DDX60: variants seen among roughly 807,000 people sequenced by gnomAD.
DDX60 encodes the protein probable ATP-dependent RNA helicase DDX60.
In DDX60, 165 loss-of-function variants were observed where a neutral mutation model predicts 212.8. The observed-to-expected ratio is 0.78, with a 90% confidence interval of 0.68 to 0.88. DDX60 has a LOEUF of 0.88. Ranked by LOEUF, DDX60 falls within the 40% of genes least tolerant of loss-of-function variation. The pLI is 0.00. For synonymous variants in DDX60, 703 were observed against 685.3 expected (o/e 1.03, Z -0.40); for missense variants, 1,905 against 2,003.9 (o/e 0.95, Z 0.94).
intron 1 of DDX60, among the ~76,000 whole-genome samples, chr4:168,311,695 A>G (rs1737141464): frequency 6.6e-6 from 1 of 152,166 alleles, no homozygotes; most frequent in South Asian, 2.1e-4. Flanking sequence ...CATGTGTAAA[A>G]GCTCAGTGGC....
At chr4:168,265,835 AGGAAGGGAAGGGAAGGGAAGGGAAG>A (rs138501508) in intron 22 of DDX60, among the ~76,000 whole-genome samples, 312 of 89,214 alleles carry the variant, frequency 3.5e-3, no homozygotes, top group African/African-American at 0.01. Flanking sequence ...GAAGGAGGGA[AGGAAGGGAAGGGAAGGGAAGGGAAG>A]GGAAGGGAAG....
intron 35 of DDX60, among the ~76,000 whole-genome samples, chr4:168,222,839 A>G (rs952483603): frequency 6.6e-6 from 1 of 152,114 alleles, no homozygotes; most frequent in African/African-American, 2.4e-5. Flanking sequence ...CACTGTGTGT[A>G]ATAGCAAAGA....
rs11933009 is a variant in DDX60 at position 168,292,324 on chromosome 4, T to C, written c.883-418A>G. ...CCTCCCAAAGTGCTAGGATTACTCGTGTGAGACACCATGCCCAGCTGAATT... is the reference window on the plus strand; with the variant it reads ...CCTCCCAAAGTGCTAGGATTACTCGCGTGAGACACCATGCCCAGCTGAATT... On this transcript the variant is annotated intron_variant, in intron 7 of 37. Transcript: ENST00000393743. Among the ~76,000 whole-genome samples, 1,213 of 152,250 alleles carry C rather than the reference T, an allele frequency of 8.0e-3. 25 individuals are homozygous for C. The highest frequency in any genetic ancestry group is 0.028 in the African/African-American group (1,147 of 41,552).
chr4:168,265,831 GGGAA>G (rs1224192471), intron 22 of DDX60, among the ~76,000 whole-genome samples: 3 of 126,728 alleles, frequency 2.4e-5, no homozygotes, highest in Non-Finnish European at 5.0e-5. Flanking sequence ...GAGGGAAGGA[GGGAA>G]GGAAGGGAAG....
chr4:168,309,019 A>T (rs1737016034), intron 3 of DDX60, among the ~76,000 whole-genome samples: 2 of 152,142 alleles, frequency 1.3e-5, no homozygotes, highest in African/African-American at 4.8e-5. Context: ...CAGCTTTCAG[A>T]GTTGAGAGAA....
intron 4 of DDX60, 120 bp from the exon 5 acceptor site, chr4:168,306,840 G>A (rs1216219851): frequency 2.7e-6 from 2 of 742,310 alleles, no homozygotes; most frequent in Non-Finnish European, 4.3e-6. Context: ...CTGTCTGATG[G>A]TCGGGGAATA....
At chr4:168,230,260 A>T (rs1207304932) in intron 33 of DDX60, among the ~76,000 whole-genome samples, 4 of 152,166 alleles carry the variant, frequency 2.6e-5, no homozygotes, top group Admixed American at 2.6e-4. Flanking sequence ...AGATAGCAAC[A>T]CAATAATAGT....
chr4:168,248,336 A>T, intron 28 of DDX60, 44 bp from the exon 29 acceptor site: 2 of 1,392,966 alleles, frequency 1.4e-6, no homozygotes, highest in Non-Finnish European at 2.0e-6. Context: ...TAGCATTTTA[A>T]TAGAATGCAA....
In DDX60 at chr4:168,275,434, G is replaced by T. The variant is rs1411550959; in HGVS notation, c.2215C>A (p.Gln739Lys). The change falls in exon 16 of 38, where the codon CAA becomes AAA. Residue 739 changes from glutamine (Q) to lysine (K), a missense_variant. Coordinates refer to ENST00000393743, the MANE Select transcript of DDX60 (RefSeq NM_017631.6). The part of the protein sequence containing the change: ...YSVGIGPARF[Q>K]LQYMGHYLIR... ...AAATAATGGCCCATGTATTGCAGTT[G>T]GAACCGAGCTGGCCCAATGCCAACT... The T allele has an allele frequency of 6.2e-7, 1 of 1,612,574 alleles. No homozygotes were observed. The highest frequency in any genetic ancestry group is 8.5e-7 in the Non-Finnish European group (1 of 1,179,382).
rs1734931465 is a variant in DDX60, at chr4:168,268,114, C to A, written c.2787-131G>T. 8 of 674,426 alleles carry A rather than the reference C, an allele frequency of 1.2e-5. 1 individual carries two copies. In the Admixed American group the frequency reaches 2.8e-4, roughly 23 times the overall value. 41.8% of individuals were successfully genotyped at this position (674,426 alleles called of 1,614,324 possible). A position where few individuals can be genotyped will look rare whatever the true frequency, so the allele number is the denominator to read the frequency against. Reference sequence around the variant, plus strand: ...TAGGGGAATAGACTCAGAAGCCAGACTACCTGAAATTAAATCCCAACCTTC... The same window carrying A: ...TAGGGGAATAGACTCAGAAGCCAGAATACCTGAAATTAAATCCCAACCTTC... On this transcript the variant is annotated intron_variant, in intron 20 of 37. Transcript: ENST00000393743.
intron 9 of DDX60, 33 bp from the exon 10 acceptor site, chr4:168,287,236 A>G: frequency 6.5e-7 from 1 of 1,543,792 alleles, no homozygotes; most frequent in Non-Finnish European, 8.9e-7. Flanking sequence ...AAATACTAGA[A>G]GCCATCCACT....
chr4:168,264,524 A>C (rs952507066), intron 22 of DDX60, among the ~76,000 whole-genome samples: 2 of 139,902 alleles, frequency 1.4e-5, no homozygotes, highest in African/African-American at 2.9e-5. Flanking sequence ...ATTTTAAAAT[A>C]TAAATCTTCT....
chr4:168,220,820 G>A (rs76554567), intron 36 of DDX60, 103 bp from the exon 37 acceptor site: 5 of 554,834 alleles, frequency 9.0e-6, no homozygotes, highest in African/African-American at 2.0e-5. Flanking sequence ...GCTTTTGTCT[G>A]TCAAGATCTC....
At position 168,308,067 on chromosome 4, in the gene DDX60, A is replaced by C. The variant is rs1435884734; in HGVS notation, c.203T>G (p.Val68Gly). The change falls in exon 4 of 38, where the codon GTT (valine) becomes GGT (glycine). Residue 68 changes from valine to glycine, a missense_variant. Coordinates refer to ENST00000393743, the MANE Select transcript of DDX60 (RefSeq NM_017631.6). ...PGQNLHFFYL[V>G]ERYLVDLISK... ...AATAAGATCCACAAGATAGCGTTCA[A>C]CCAGATAGAAGAAATGGAGGTTCTG... 1.2e-5 allele frequency: 20 copies of C among 1,612,174 alleles called. No individual in the cohort carries two copies. Among genetic ancestry groups the C allele is most frequent in the Non-Finnish European group, 1.6e-5 (19 of 1,179,648 alleles).
the DDX60 span, among the ~76,000 whole-genome samples, chr4:168,324,418 T>G: frequency 2.0e-5 from 3 of 152,194 alleles, no homozygotes; most frequent in African/African-American, 7.2e-5. Flanking sequence ...TTAAAGCCTC[T>G]ACAGTGAAGA....
At chr4:168,268,831 C>G (rs371492218) in intron 20 of DDX60, 23 bp downstream of exon 20, 3 of 1,316,002 alleles carry the variant, frequency 2.3e-6, no homozygotes, top group Non-Finnish European at 3.2e-6. Context: ...AACACTCTGT[C>G]CAAATTGAAA....
Position 168,252,615 on chromosome 4 carries a change from C to T in DDX60, c.3599G>A (p.Ser1200Asn), listed in dbSNP as rs771451314. Residue 1200 changes from serine (S) to asparagine (N), a missense_variant, in exon 27 of 38, where the codon AGC becomes AAC. Ser to Asn is a conservative substitution (Grantham distance 46). Transcript: ENST00000393743. ...ATCATGTTCAGCTTCATGTATTAGGCTTTGATCCACATTTCTGGTTTTTTT... is the reference window on the plus strand; with the variant it reads ...ATCATGTTCAGCTTCATGTATTAGGTTTTGATCCACATTTCTGGTTTTTTT... ...SQKKTRNVDQ[S>N]LIHEAEHDNL... The T allele has an allele frequency of 2.5e-6, 4 of 1,612,292 alleles. No individual in the cohort carries two copies. In the Admixed American group the frequency reaches 5.0e-5, roughly 20 times the overall value.
At chr4:168,296,509 T>C (rs1198365938) in intron 6 of DDX60, among the ~76,000 whole-genome samples, 5 of 151,988 alleles carry the variant, frequency 3.3e-5, no homozygotes, top group Non-Finnish European at 1.5e-5. Flanking sequence ...CCAAAACCAC[T>C]CACCCACTAC....
chr4:168,237,535 A>G (rs1733672444), intron 31 of DDX60, 108 bp from the exon 32 acceptor site: 1 of 1,241,066 alleles, frequency 8.1e-7, no homozygotes, highest in Non-Finnish European at 1.1e-6. Flanking sequence ...AGAAATATTT[A>G]TAACTATTAC....
Sources: allele counts gnomAD v4.1 joint callset (sites outside exome capture counted in the v4.1 genomes callset), GRCh38; gene constraint gnomAD v4.1.1; transcripts MANE v1.5; gene names NCBI Gene and HGNC (gene_info 2026-07-23, HGNC 2026-07-21).